The following HSPG2 variants were observed in gnomAD, a reference collection of about 807,000 sequenced individuals.
The protein encoded by HSPG2 is basement membrane-specific heparan sulfate proteoglycan core protein.
In HSPG2, 278 loss-of-function variants were observed where a neutral mutation model predicts 526.6. The ratio of observed to expected loss-of-function variants is 0.53; its 90% confidence interval spans 0.48 to 0.58. The LOEUF is 0.58. Ranked by LOEUF, HSPG2 falls within the 20% of genes least tolerant of loss-of-function variation. HSPG2 has a pLI of 0.00. For synonymous variants in HSPG2, 2,465 were observed against 2,555.4 expected (o/e 0.96, Z 1.07); for missense variants, 5,354 against 6,099.5 (o/e 0.88, Z 4.07).
At chr1:21,843,163 G>A in intron 66 of HSPG2, 134 bp downstream of exon 66, 1 of 1,342,654 alleles carries the variant, frequency 7.4e-7, no homozygotes, top group Non-Finnish European at 1.1e-6. Context: ...ACCTGGGTTG[G>A]CTTGATCCTC....
intron 50 of HSPG2, chr1:21,853,759 A>AAT (rs960801664): frequency 7.2e-5 from 9 of 124,526 alleles, no homozygotes; most frequent in African/African-American, 2.3e-4. Context: ...AAAAAAATAA[A>AAT]ATAAAATAAA....
chr1:21,829,331 G>C (rs534847706), intron 87 of HSPG2, 52 bp downstream of exon 87: 23 of 1,569,940 alleles, frequency 1.5e-5, no homozygotes, highest in Admixed American at 3.3e-5. Flanking sequence ...AAGAGCCGAG[G>C]GGGGCACAAG....
Position 21,839,301 on chromosome 1 carries a change from T to C in HSPG2, c.9889+70A>G, listed in dbSNP as rs1207129200. ...TCTGGATGGGGTTCCTGGGGTTCTG[T>C]GTGGGGTGGAGCCTAGTCGGGGGGC... On this transcript the variant is annotated intron_variant, in intron 73 of 96. Transcript: ENST00000374695. The surrounding 1 kb of genome is among the most constrained non-coding windows in gnomAD (Gnocchi z 4.5). 6.4e-7 allele frequency: 1 copy of C among 1,555,910 alleles called. No individual in the cohort carries two copies. The highest frequency in any genetic ancestry group is 1.4e-5 in the African/African-American group (1 of 73,838).
At chr1:21,830,157 C>T in intron 85 of HSPG2, 66 bp from the exon 86 acceptor site, 4 of 1,307,638 alleles carry the variant, frequency 3.1e-6, no homozygotes, top group Non-Finnish European at 3.2e-6. Flanking sequence ...GTCCTGATGC[C>T]AGAGGTCTGC....
rs1477924036 is a variant in HSPG2, at chr1:21,872,603, G to A, written c.4029+17C>T. On this transcript the variant is annotated intron_variant, in intron 32 of 96. Transcript: ENST00000374695. This position sits in a 1 kb window ranked among gnomAD's most constrained non-coding sequence, Gnocchi z 5.5. ...AGGTGGCAACACCGCCTGGGGCTGG[G>A]CAGCACAGGCTCTCACCAGGTGGCG... The A allele has an allele frequency of 1.4e-5, 22 of 1,574,688 alleles. No individual in the cohort carries two copies. The highest frequency in any genetic ancestry group is 3.8e-5 in the Admixed American group (2 of 52,804).
At chr1:21,889,608 T>C (rs1642202236) in intron 6 of HSPG2, among the ~76,000 whole-genome samples, 1 of 152,106 alleles carries the variant, frequency 6.6e-6, no homozygotes, top group Non-Finnish European at 1.5e-5. Context: ...TTCATAGGAA[T>C]TGCTGTGAAG....
At chr1:21,896,133 AC>A (rs763824440) in intron 2 of HSPG2, 41 bp downstream of exon 2, 9 of 1,610,490 alleles carry the variant, frequency 5.6e-6, no homozygotes, top group East Asian at 2.2e-5. Flanking sequence ...GCACAGTCTC[AC>A]CCCCCACCCC....
At chr1:21,911,663 C>A (rs528309273) in intron 1 of HSPG2, among the ~76,000 whole-genome samples, 1 of 152,308 alleles carries the variant, frequency 6.6e-6, no homozygotes, top group African/African-American at 2.4e-5. Flanking sequence ...TGCTCCAGGG[C>A]CCCCGTGGGG....
At position 21,896,109 on chromosome 1, in the gene HSPG2, G is replaced by A. The variant is rs555193168; in HGVS notation, c.199+66C>T. On this transcript the variant is annotated intron_variant, in intron 2 of 96. Transcript: ENST00000374695. The stretch of plus-strand genomic sequence containing the variant: ...ATGGTCGGTCACCCTCCTCCCCCAT[G>A]CCAGTGGGAAGAAGCACAGTCTCAC... The A allele has an allele frequency of 1.9e-4, 300 of 1,608,074 alleles. 4 individuals carry two copies. In the South Asian group the frequency reaches 3.3e-3, roughly 18 times the overall value.
chr1:21,875,524 G>C (rs766637738), intron 25 of HSPG2, 105 bp downstream of exon 25: 2 of 863,588 alleles, frequency 2.3e-6, no homozygotes, highest in Non-Finnish European at 3.8e-6. Context: ...GGAAAGTGAG[G>C]CACAAAAGGG....
At chr1:21,888,786 G>C in intron 6 of HSPG2, 1 of 1,152,204 alleles carries the variant, frequency 8.7e-7, no homozygotes, top group Non-Finnish European at 1.2e-6. Context: ...GCAGGGCTGG[G>C]CCACATTCCA....
At chr1:21,905,459 C>T (rs541237622) in intron 1 of HSPG2, among the ~76,000 whole-genome samples, 3 of 152,218 alleles carry the variant, frequency 2.0e-5, no homozygotes, top group South Asian at 2.1e-4. Context: ...ACCTTTCAGC[C>T]GCGCATGGTC....
At position 21,855,873 on chromosome 1, in the gene HSPG2, G is replaced by A. The variant is rs746717616; in HGVS notation, c.5615C>T (p.Pro1872Leu). Residue 1872 changes from proline to leucine, a missense_variant, in exon 45 of 97, where the codon CCG becomes CTG. Transcript: ENST00000374695. ...CCCGGGCTGCACTGTGAGCTGTGGC[G>A]GATGGATGGAGACCACGGGGGCGGA... ...TLSAPVVSIH[P>L]PQLTVQPGQL... 21 of 1,612,400 alleles carry A rather than the reference G, an allele frequency of 1.3e-5. No homozygotes were observed. Among genetic ancestry groups the A allele is most frequent in the Non-Finnish European group, 1.7e-5 (20 of 1,179,990 alleles).
intron 1 of HSPG2, among the ~76,000 whole-genome samples, chr1:21,920,279 A>G (rs1644000160): frequency 6.6e-6 from 1 of 152,254 alleles, no homozygotes; most frequent in African/African-American, 2.4e-5. Context: ...ACAGAAGGCT[A>G]GAAAGAGGCA....
rs751605962 is a variant in HSPG2, at chr1:21,850,510, G to T, written c.7159-12C>A. ...AGGGAGCCGTGGGTCTGGCCAGAAT[G>T]GGGGTGAGTCAGAGGGAGCCCTCAG... On this transcript the variant is annotated splice_polypyrimidine_tract_variant and intron_variant, in intron 55 of 96. Transcript: ENST00000374695. The T allele has an allele frequency of 1.4e-5, 22 of 1,602,088 alleles. No homozygotes were observed. Among genetic ancestry groups the T allele is most frequent in the East Asian group, 9.0e-5 (4 of 44,582 alleles).
At position 21,823,731 on chromosome 1, in the gene HSPG2, C is replaced by T. The variant is rs765993856; in HGVS notation, c.12900-12G>A. 5 of 1,608,052 alleles carry T rather than the reference C, an allele frequency of 3.1e-6. No homozygotes were observed. The highest frequency in any genetic ancestry group is 4.3e-6 in the Non-Finnish European group (5 of 1,175,488). On this transcript the variant is annotated splice_polypyrimidine_tract_variant and intron_variant, in intron 95 of 96. Coordinates refer to ENST00000374695, the MANE Select transcript of HSPG2 (RefSeq NM_005529.7). Reference sequence around the variant, plus strand: ...CTCTGCGGCCCTCCCTGCAGTGGAACTGGGTCAGGCCCCTTTCCACAAACT... The same window carrying T: ...CTCTGCGGCCCTCCCTGCAGTGGAATTGGGTCAGGCCCCTTTCCACAAACT...
chr1:21,824,808 C>T lies in HSPG2; in HGVS notation c.12590-29G>A, dbSNP rs781324568. The T allele has an allele frequency of 1.9e-6, 3 of 1,587,998 alleles. No individual in the cohort carries two copies. The highest frequency in any genetic ancestry group is 2.3e-5 in the East Asian group (1 of 44,088). ...TGGGAGAGAGGAGGGTGGTGCCATA[C>T]CTGCTGCATCAGGCATCAAAATCCC... On this transcript the variant is annotated intron_variant, in intron 91 of 96. Transcript: ENST00000374695. The surrounding 1 kb of genome is among the most constrained non-coding windows in gnomAD (Gnocchi z 5.9).
rs2152702834 is a variant in HSPG2, at chr1:21,838,977, C to A, written c.9998G>T (p.Ser3333Ile). The change falls in exon 74 of 97, where the codon AGC (serine) becomes ATC (isoleucine). Residue 3333 changes from serine to isoleucine, a missense_variant. Transcript: ENST00000374695. ...HGTPPLTFQW[S>I]RVGSSLPGRA... is the part of the protein sequence containing the mutation. The stretch of plus-strand genomic sequence containing the variant: ...CCCAGGAAGGCTGCTGCCCACGCGG[C>A]TCCACTGGAAGGTGAGTGGGGGTGT... 1 of 1,612,672 alleles carries A rather than the reference C, an allele frequency of 6.2e-7. No individual in the cohort carries two copies. The highest frequency in any genetic ancestry group is 1.1e-5 in the South Asian group (1 of 91,040).
At chr1:21,924,395 T>C (rs537316323) in intron 1 of HSPG2, among the ~76,000 whole-genome samples, 25 of 152,092 alleles carry the variant, frequency 1.6e-4, no homozygotes, top group African/African-American at 5.8e-4. Flanking sequence ...AAGGAATCAA[T>C]AGCGTCAATG....
Sources: allele counts gnomAD v4.1 joint callset (sites outside exome capture counted in the v4.1 genomes callset), GRCh38; gene constraint gnomAD v4.1.1; non-coding constraint Gnocchi (gnomAD v3.1); transcripts MANE v1.5; gene names NCBI Gene and HGNC (gene_info 2026-07-23, HGNC 2026-07-21).